The following RAB10 variants were observed in gnomAD, a reference collection of about 807,000 sequenced individuals.
The protein encoded by RAB10 is ras-related protein Rab-10.
Under a neutral mutation model 25.7 loss-of-function variants are expected in RAB10, and 5 were observed. The ratio of observed to expected loss-of-function variants is 0.19; its 90% CI spans 0.10 to 0.41. The LOEUF (loss-of-function observed/expected upper bound fraction) is 0.41. Ranked by LOEUF, RAB10 falls within the 10% of genes least tolerant of loss-of-function variation. The probability of loss-of-function intolerance (pLI) is 1.00; values close to 1 mark genes in which losing one functional copy is unlikely to be tolerated. For synonymous variants in RAB10, 89 were observed against 86.4 expected, an observed-to-expected ratio of 1.03 and a Z score of -0.16; for missense variants, 103 against 245.8, an observed-to-expected ratio of 0.42 and a Z score of 3.89.
At chr2:26,060,198 AC>A (rs1666365154) in intron 1 of RAB10, among the ~76,000 whole-genome samples, 1 of 151,924 alleles carries the variant, frequency 6.6e-6, no homozygotes, top group Admixed American at 6.6e-5. Flanking sequence ...AAATTATTGA[AC>A]AACTGCTGTG....
intron 1 of RAB10, among the ~76,000 whole-genome samples, chr2:26,051,647 G>A (rs549263612): frequency 2.0e-5 from 3 of 150,868 alleles, no homozygotes; most frequent in East Asian, 1.9e-4. Context: ...CCAGCTACTC[G>A]GGAGGCTGAG....
rs1668077218 is a variant in RAB10, at chr2:26,134,878, C to T, written c.520-60C>T. The T allele has an allele frequency of 6.7e-6, 9 of 1,338,536 alleles. No individual in the cohort carries two copies. In the South Asian group the frequency reaches 8.8e-5, roughly 13 times the overall value. 82.9% of individuals were successfully genotyped at this position (1,338,536 alleles called of 1,614,324 possible). On this transcript the variant is annotated intron_variant, in intron 5 of 5. Transcript: ENST00000264710. ...TGACATAAGAATATTCCTGTTGAAT[C>T]GTGATTTTATCCATGGCAGTGTTTT...
At chr2:26,071,688 CA>C (rs70950164) in intron 1 of RAB10, among the ~76,000 whole-genome samples, 8,030 of 144,464 alleles carry the variant, frequency 0.056, 572 homozygotes, top group African/African-American at 0.17. Context: ...GACTTCATCT[CA>C]AAAAAAAAAA....
At chr2:26,053,742 G>A (rs1016574676) in intron 1 of RAB10, among the ~76,000 whole-genome samples, 16 of 151,678 alleles carry the variant, frequency 1.1e-4, no homozygotes, top group African/African-American at 3.4e-4. Flanking sequence ...TTTTTGAGAT[G>A]GAGTCTCACT....
At chr2:26,057,789 A>G (rs1666300024) in intron 1 of RAB10, among the ~76,000 whole-genome samples, 1 of 152,104 alleles carries the variant, frequency 6.6e-6, no homozygotes. Context: ...ACACCCAGCT[A>G]ATTTTTGTAT....
upstream of RAB10, among the ~76,000 whole-genome samples, chr2:26,033,593 TTTCTCGCG>T (rs1665680462): frequency 6.6e-6 from 1 of 152,202 alleles, no homozygotes; most frequent in Non-Finnish European, 1.5e-5. Context: ...GGCGCGGCTT[TTTCTCGCG>T]TTTACGAGCT....
chr2:26,106,351 A>G (rs1234134105), intron 2 of RAB10, among the ~76,000 whole-genome samples: 1 of 152,220 alleles, frequency 6.6e-6, no homozygotes, highest in Non-Finnish European at 1.5e-5. Context: ...ATTTAACCAT[A>G]GTAATCTAGG....
intron 3 of RAB10, among the ~76,000 whole-genome samples, chr2:26,122,392 G>A (rs1196148865): frequency 6.6e-6 from 1 of 152,214 alleles, no homozygotes; most frequent in Non-Finnish European, 1.5e-5. Flanking sequence ...ACTTTGGGAG[G>A]CCAAGGCGGG....
intron 1 of RAB10, among the ~76,000 whole-genome samples, chr2:26,093,425 C>A (rs1170323192): frequency 6.6e-6 from 1 of 152,036 alleles, no homozygotes; most frequent in Non-Finnish European, 1.5e-5. Context: ...TTTAGAAACA[C>A]ATAACAGGTT....
intron 3 of RAB10, among the ~76,000 whole-genome samples, chr2:26,124,417 T>TTTTTTTTTTTTTG (rs1667867053): frequency 1.7e-5 from 2 of 119,590 alleles, no homozygotes; most frequent in East Asian, 5.0e-4. Context: ...TTTTTTTTTT[T>TTTTTTTTTTTTTG]GAGACAGGTT....
intron 3 of RAB10, among the ~76,000 whole-genome samples, chr2:26,122,511 C>T (rs1030018763): frequency 6.6e-6 from 1 of 151,924 alleles, no homozygotes; most frequent in African/African-American, 2.4e-5. Flanking sequence ...GCCTGTAGTC[C>T]CAGCCACTCG....
chr2:26,072,616 G>C (rs1666651985), intron 1 of RAB10, among the ~76,000 whole-genome samples: 1 of 152,024 alleles, frequency 6.6e-6, no homozygotes, highest in African/African-American at 2.4e-5. Context: ...TATCTGAATA[G>C]GTTCTTAAAA....
intron 1 of RAB10, among the ~76,000 whole-genome samples, chr2:26,055,663 A>G (rs977797033): frequency 3.9e-5 from 6 of 152,060 alleles, no homozygotes; most frequent in African/African-American, 1.4e-4. Flanking sequence ...TCCTGGAATT[A>G]CAGGTGTGAG....
At chr2:26,065,327 A>G (rs1034447713) in intron 1 of RAB10, among the ~76,000 whole-genome samples, 7 of 151,670 alleles carry the variant, frequency 4.6e-5, no homozygotes, top group Non-Finnish European at 1.0e-4. Context: ...GTTTTTCTGG[A>G]TTGTTTTCTC....
chr2:26,134,039 A>G (rs1216175000), intron 5 of RAB10, among the ~76,000 whole-genome samples: 1 of 152,216 alleles, frequency 6.6e-6, no homozygotes, highest in Non-Finnish European at 1.5e-5. Context: ...ATAAAATTAA[A>G]TCAACCATAA....
intron 1 of RAB10, among the ~76,000 whole-genome samples, chr2:26,060,862 T>C (rs1034381595): frequency 8.5e-5 from 13 of 152,288 alleles, no homozygotes; most frequent in South Asian, 8.3e-4. Context: ...TGGCCCGACT[T>C]AAATGTCTTT....
chr2:26,086,999 A>T (rs1017210564), intron 1 of RAB10, among the ~76,000 whole-genome samples: 2 of 152,130 alleles, frequency 1.3e-5, no homozygotes, highest in Non-Finnish European at 2.9e-5. Context: ...CTGAATGGAT[A>T]TGGGGTCGTT....
intron 1 of RAB10, among the ~76,000 whole-genome samples, chr2:26,046,636 C>T (rs147430838): frequency 1.3e-5 from 2 of 152,050 alleles, no homozygotes; most frequent in Non-Finnish European, 2.9e-5. Context: ...AGGCTGGTTT[C>T]GAACTCCTAG....
rs58252306 is a variant in RAB10 at position 26,114,737 on chromosome 2, C to CAAAAAAAAAAAAAAAAAAAAAAAAAA, written c.327+4849_327+4850insAAAAAAAAAAAAAAAAAAAAAAAAAA. Among the ~76,000 whole-genome samples the CAAAAAAAAAAAAAAAAAAAAAAAAAA allele has an allele frequency of 2.7e-4, 18 of 66,040 alleles. 1 individual carries two copies. The highest frequency in any genetic ancestry group is 8.2e-4 in the African/African-American group (15 of 18,348). 43.3% of individuals were successfully genotyped at this position (66,040 alleles called of 152,430 possible). A position where few individuals can be genotyped will look rare whatever the true frequency, so the allele number is the denominator to read the frequency against. ...GAAACCCCATCTCTACAAAAATATA[C>CAAAAAAAAAAAAAAAAAAAAAAAAAA]AAAAAAAAAAAAAAAAAATTAGTCG... On this transcript the variant is annotated intron_variant, in intron 3 of 5. Coordinates refer to ENST00000264710, the MANE Select transcript of RAB10 (RefSeq NM_016131.5).
Sources: allele counts gnomAD v4.1 joint callset (sites outside exome capture counted in the v4.1 genomes callset), GRCh38; gene constraint gnomAD v4.1.1; transcripts MANE v1.5; gene names NCBI Gene and HGNC (gene_info 2026-07-23, HGNC 2026-07-21).